NYNRIN: variants seen among roughly 807,000 people sequenced by gnomAD.
NYNRIN encodes the protein NYN domain and retroviral integrase containing.
In NYNRIN, 86 loss-of-function variants were observed where a neutral mutation model predicts 146.6. That is an observed-to-expected ratio of 0.59 (90% CI 0.49 to 0.70). The LOEUF (loss-of-function observed/expected upper bound fraction) is 0.70, where lower values mean the gene tolerates loss of function less well. Ranked by LOEUF, NYNRIN falls within the 30% of genes least tolerant of loss-of-function variation. NYNRIN has a pLI of 0.00. For synonymous variants in NYNRIN, 1,027 were observed against 1,001.3 expected (o/e 1.03, Z -0.48); for missense variants, 2,191 against 2,377.7 (o/e 0.92, Z 1.63).
intron 8 of NYNRIN, among the ~76,000 whole-genome samples, 179 bp downstream of exon 8, chr14:24,413,596 A>G (rs11626443): frequency 0.16 from 24,201 of 152,274 alleles, 1,996 homozygotes; most frequent in Non-Finnish European, 0.18. Context: ...GTTTTAATAC[A>G]TATATGAAAG....
intron 6 of NYNRIN, chr14:24,412,737 T>C: frequency 2.7e-6 from 1 of 374,842 alleles, no homozygotes; most frequent in Admixed American, 4.6e-5. Flanking sequence ...CCTATGCGTA[T>C]AACAGGGGTG....
Position 24,415,721 on chromosome 14 carries a change from T to C in NYNRIN, c.3972T>C (p.Cys1324=). ...GYCFYREDEW[C]AGFGLYVLSP... is the part of the protein sequence containing the mutation. ...GCTTCTACCGTGAGGATGAGTGGTG[T>C]GCTGGCTTTGGTCTCTATGTTCTAT... is the stretch of plus-strand genomic sequence containing the variant. The change falls in exon 9 of 9, where the codon TGT becomes TGC. Residue 1324 remains cysteine, a synonymous_variant. Transcript: ENST00000382554. 6.2e-7 allele frequency: 1 copy of C among 1,613,886 alleles called. No homozygotes were observed. The highest frequency in any genetic ancestry group is 8.5e-7 in the Non-Finnish European group (1 of 1,179,818).
At chr14:24,413,471 C>T in intron 8 of NYNRIN, 54 bp downstream of exon 8, 1 of 1,262,646 alleles carries the variant, frequency 7.9e-7, no homozygotes, top group East Asian at 2.5e-5. Flanking sequence ...TGATCGGAAA[C>T]TTCCCCTTAG....
rs1157206266 is a variant in NYNRIN at position 24,411,453 on chromosome 14, G to A, written c.2642+3G>A. On this transcript the variant is annotated splice_donor_region_variant and intron_variant, in intron 6 of 8. Transcript: ENST00000382554. The surrounding 1 kb of genome is among the most constrained non-coding windows in gnomAD (Gnocchi z 4.3). ...AAGATCACCACCTACGATTATAGGTGTGCCGGTCCCCAGGCCTGCCCTCCT... is the reference window on the plus strand; with the variant it reads ...AAGATCACCACCTACGATTATAGGTATGCCGGTCCCCAGGCCTGCCCTCCT... The A allele has an allele frequency of 6.2e-7, 1 of 1,613,338 alleles. No individual in the cohort carries two copies. Among genetic ancestry groups the A allele is most frequent in the Non-Finnish European group, 8.5e-7 (1 of 1,179,428 alleles).
Position 24,414,750 on chromosome 14 carries a change from G to A in NYNRIN, c.3001G>A (p.Asp1001Asn), listed in dbSNP as rs1370433601. 5 of 1,613,642 alleles carry A rather than the reference G, an allele frequency of 3.1e-6. No individual in the cohort carries two copies. The South Asian group carries it at 5.5e-5, about 18-fold the overall frequency. ...EVREEKEERQ[D>N]EEQRQGQGTQ... ...CAGGGAAGAGAAGGAGGAGAGGCAG[G>A]ATGAGGAGCAGAGACAGGGGCAGGG... Residue 1001 changes from aspartate (D) to asparagine (N), a missense_variant, in exon 9 of 9, where the codon GAT (aspartate) becomes AAT (asparagine). Asp to Asn is a conservative substitution (Grantham distance 23). This residue lies in a region of NYNRIN where 1,291 missense variants were observed against 1,417.0 expected (regional missense o/e 0.91). Transcript: ENST00000382554.
chr14:24,401,924 G>A (rs186029913), intron 2 of NYNRIN, among the ~76,000 whole-genome samples: 2 of 152,302 alleles, frequency 1.3e-5, no homozygotes, highest in East Asian at 3.9e-4. Flanking sequence ...AGCGTGGCTG[G>A]CCCCAATCTC....
rs372328828 is a variant in NYNRIN, at chr14:24,414,863, C to T, written c.3114C>T (p.Ile1038=). ...RVECPSLSEE[I]LRCLSLHDPP... Reference sequence around the variant, plus strand: ...AGTGCCCGTCCCTTTCGGAGGAGATCCTGCGGTGCCTCAGCCTCCATGATC... The same window carrying T: ...AGTGCCCGTCCCTTTCGGAGGAGATTCTGCGGTGCCTCAGCCTCCATGATC... Residue 1038 remains isoleucine, a synonymous_variant, in exon 9 of 9, where the codon ATC becomes ATT. Transcript: ENST00000382554. The T allele has an allele frequency of 1.9e-6, 3 of 1,610,506 alleles. No individual in the cohort carries two copies. The highest frequency in any genetic ancestry group is 1.3e-5 in the African/African-American group (1 of 74,812).
At chr14:24,407,726 A>C in intron 2 of NYNRIN, 143 bp from the exon 3 acceptor site, 1 of 678,636 alleles carries the variant, frequency 1.5e-6, no homozygotes, top group African/African-American at 1.8e-5. Flanking sequence ...GCCATGGGGG[A>C]GTCATTTGGC....
chr14:24,401,104 G>A (rs943354356), intron 2 of NYNRIN, among the ~76,000 whole-genome samples: 3 of 152,078 alleles, frequency 2.0e-5, no homozygotes, highest in Non-Finnish European at 4.4e-5. Context: ...TCACACTTTC[G>A]GAGGTACCCC....
chr14:24,408,317 C>T lies in NYNRIN; in HGVS notation c.647C>T (p.Ser216Phe). The change falls in exon 3 of 9, where the codon TCC (serine) becomes TTC (phenylalanine). Residue 216 changes from serine (S) to phenylalanine (F), a missense_variant. This residue lies in a region of NYNRIN where 895 missense variants were observed against 941.2 expected (regional missense o/e 0.95). Coordinates refer to ENST00000382554, the MANE Select transcript of NYNRIN (RefSeq NM_025081.3). ...LSRFGISDSH[S>F]DPEVLICPPQ... is the part of the protein sequence containing the mutation. ...CGCTTCGGCATCTCTGACTCCCACT[C>T]CGATCCGGAGGTTCTAATCTGCCCT... is the stretch of plus-strand genomic sequence containing the variant. 6 of 1,613,582 alleles carry T rather than the reference C, an allele frequency of 3.7e-6. No homozygotes were observed. Among genetic ancestry groups the T allele is most frequent in the Non-Finnish European group, 5.1e-6 (6 of 1,179,894 alleles).
chr14:24,405,897 C>T (rs974235345), intron 2 of NYNRIN, among the ~76,000 whole-genome samples: 1 of 152,094 alleles, frequency 6.6e-6, no homozygotes, highest in Admixed American at 6.5e-5. Flanking sequence ...CACGGTGGCT[C>T]ATACCTGTAA....
Position 24,413,305 on chromosome 14 carries a change from C to G in NYNRIN, c.2745-11C>G. 4 of 1,609,436 alleles carry G rather than the reference C, an allele frequency of 2.5e-6. No homozygotes were observed. In the South Asian group the frequency reaches 3.3e-5, roughly 13 times the overall value. On this transcript the variant is annotated splice_polypyrimidine_tract_variant and intron_variant, in intron 7 of 8. Coordinates refer to ENST00000382554, the MANE Select transcript of NYNRIN (RefSeq NM_025081.3). ...TCACAGTGACTGTGCCTCTTCTCCC[C>G]CTGGGCCCAGCTTGCTGCCTTTCAC...
In NYNRIN at chr14:24,415,705, G is replaced by A. The variant is rs776363411; in HGVS notation, c.3956G>A (p.Arg1319His). Residue 1319 changes from arginine to histidine, a missense_variant, in exon 9 of 9, where the codon CGT (arginine) becomes CAT (histidine). Physicochemically the swap from Arg to His is conservative, Grantham distance 29. Coordinates refer to ENST00000382554, the MANE Select transcript of NYNRIN (RefSeq NM_025081.3). Reference sequence around the variant, plus strand: ...CACATGTCGGGCTACTGCTTCTACCGTGAGGATGAGTGGTGTGCTGGCTTT... The same window carrying A: ...CACATGTCGGGCTACTGCTTCTACCATGAGGATGAGTGGTGTGCTGGCTTT... ...CIHMSGYCFYREDEWCAGFGL... is the reference protein window; with the variant it reads ...CIHMSGYCFYHEDEWCAGFGL... The A allele has an allele frequency of 6.8e-6, 11 of 1,613,910 alleles. No homozygotes were observed. The highest frequency in any genetic ancestry group is 3.3e-5 in the Admixed American group (2 of 60,026).
Position 24,414,648 on chromosome 14 carries a change from A to C in NYNRIN, c.2899A>C (p.Ser967Arg). Residue 967 changes from serine to arginine, a missense_variant, in exon 9 of 9, where the codon AGC becomes CGC. This residue lies in a region of NYNRIN where 1,291 missense variants were observed against 1,417.0 expected (regional missense o/e 0.91). Coordinates refer to ENST00000382554, the MANE Select transcript of NYNRIN (RefSeq NM_025081.3). ...FLKVWKTLPP[S>R]SASVTELSDD... Reference sequence around the variant, plus strand: ...GAAGGTGTGGAAGACCCTTCCTCCCAGCTCAGCCAGTGTCACTGAGCTGAG... The same window carrying C: ...GAAGGTGTGGAAGACCCTTCCTCCCCGCTCAGCCAGTGTCACTGAGCTGAG... 1 of 1,613,782 alleles carries C rather than the reference A, an allele frequency of 6.2e-7. No individual in the cohort carries two copies. The highest frequency in any genetic ancestry group is 2.2e-5 in the East Asian group (1 of 44,856).
rs1249347669 is a variant in NYNRIN at position 24,416,198 on chromosome 14, G to A, written c.4449G>A (p.Leu1483=). 13 of 1,613,870 alleles carry A rather than the reference G, an allele frequency of 8.1e-6. No individual in the cohort carries two copies. The highest frequency in any genetic ancestry group is 1.1e-5 in the Non-Finnish European group (13 of 1,179,904). Residue 1483 remains leucine, a synonymous_variant, in exon 9 of 9, where the codon CTG becomes CTA. Transcript: ENST00000382554. ...GKRPNLLALQ[L]SDSTLADIIA... ...GGCCCAATTTGCTGGCATTACAGCT[G>A]AGTGACAGCACCCTGGCCGACATCA...
chr14:24,399,575 A>G lies in NYNRIN; in HGVS notation c.198+131A>G. On this transcript the variant is annotated intron_variant, in intron 2 of 8. Transcript: ENST00000382554. ...GCCTGGATTTGGCAGTGTGGCAGGC[A>G]GGTAGTGGGCCATCCTCCTGCCTCG... 1.6e-5 allele frequency: 13 copies of G among 788,638 alleles called. 1 individual carries two copies. In the South Asian group the frequency reaches 2.3e-4, roughly 14 times the overall value. 48.9% of individuals were successfully genotyped at this position (788,638 alleles called of 1,614,324 possible).
chr14:24,410,200 G>T lies in NYNRIN; in HGVS notation c.2406G>T (p.Val802=). Residue 802 remains valine (V), a synonymous_variant, in exon 4 of 9, where the codon GTG becomes GTT. Transcript: ENST00000382554. The part of the protein sequence containing the change: ...LRRVVIDGSS[V]AMVHGLQHFF... ...GAGTGGTCATCGATGGCAGCAGTGT[G>T]GCCATGGTGTGAGTAGTCACGGGCG... is the stretch of plus-strand genomic sequence containing the variant. 1 of 1,595,994 alleles carries T rather than the reference G, an allele frequency of 6.3e-7. No individual in the cohort carries two copies. The highest frequency in any genetic ancestry group is 8.6e-7 in the Non-Finnish European group (1 of 1,168,572).
rs775128958 is a variant in NYNRIN, at chr14:24,416,926, T to C, written c.5177T>C (p.Leu1726Pro). ...SGAYWEFKRA[L>P]KEFIFLHGKK... ...GCCTACTGGGAATTCAAGAGGGCCCTCAAGGAGTTCATCTTCCTGCATGGG... is the reference window on the plus strand; with the variant it reads ...GCCTACTGGGAATTCAAGAGGGCCCCCAAGGAGTTCATCTTCCTGCATGGG... The change falls in exon 9 of 9, where the codon CTC becomes CCC. Residue 1726 changes from leucine to proline, a missense_variant. Transcript: ENST00000382554. 8 of 1,596,256 alleles carry C rather than the reference T, an allele frequency of 5.0e-6. No homozygotes were observed.
chr14:24,417,132 G>A lies in NYNRIN; in HGVS notation c.5383G>A (p.Gly1795Arg), dbSNP rs2042953619. ...GGACGTCTTCCTGCTACAGCTGGTGGGGGAGCTGCTGGAGCTCCACTGGAG... is the reference window on the plus strand; with the variant it reads ...GGACGTCTTCCTGCTACAGCTGGTGAGGGAGCTGCTGGAGCTCCACTGGAG... Reference protein sequence around the residue: ...KMDVFLLQLVGELLELHWRVA... With the variant: ...KMDVFLLQLVRELLELHWRVA... Residue 1795 changes from glycine (G) to arginine (R), a missense_variant, in exon 9 of 9, where the codon GGG (glycine) becomes AGG (arginine). Gly to Arg is a moderately radical substitution (Grantham distance 125). Transcript: ENST00000382554. 2.5e-6 allele frequency: 4 copies of A among 1,613,856 alleles called. No homozygotes were observed. Among genetic ancestry groups the A allele is most frequent in the Non-Finnish European group, 3.4e-6 (4 of 1,179,842 alleles).
Sources: allele counts gnomAD v4.1 joint callset (sites outside exome capture counted in the v4.1 genomes callset), GRCh38; gene constraint gnomAD v4.1.1; regional missense constraint gnomAD v4.1.1; non-coding constraint Gnocchi (gnomAD v3.1); transcripts MANE v1.5; gene names NCBI Gene and HGNC (gene_info 2026-07-23, HGNC 2026-07-21).